The following STAG1 variants were observed in gnomAD, a reference collection of about 807,000 sequenced individuals.
The protein encoded by STAG1 is cohesin subunit SA-1.
STAG1 carries 26 observed loss-of-function variants against 170.9 expected under a neutral mutation model. The observed-to-expected ratio is 0.15, with a 90% CI of 0.11 to 0.21. The LOEUF (loss-of-function observed/expected upper bound fraction) is 0.21, where lower values mean the gene tolerates loss of function less well. Among genes scored for constraint, STAG1 ranks in the 10% least tolerant of loss-of-function variants. STAG1 has a pLI of 1.00. For synonymous variants in STAG1, 514 were observed against 497.7 expected (o/e 1.03, Z -0.44); for missense variants, 964 against 1,509.5 (o/e 0.64, Z 5.99).
intron 1 of STAG1, among the ~76,000 whole-genome samples, chr3:136,696,471 A>C (rs1942894593): frequency 6.6e-6 from 1 of 152,198 alleles, no homozygotes. Context: ...GGTGCATGCT[A>C]TATTTGACAA....
At chr3:136,669,600 C>T (rs1459493007) in intron 1 of STAG1, among the ~76,000 whole-genome samples, 2 of 152,188 alleles carry the variant, frequency 1.3e-5, no homozygotes, top group African/African-American at 4.8e-5. Context: ...CTCAAGTGAC[C>T]TGCCTGCCTC....
intron 1 of STAG1, among the ~76,000 whole-genome samples, chr3:136,695,015 G>A (rs1334924402): frequency 6.6e-6 from 1 of 152,158 alleles, no homozygotes; most frequent in Non-Finnish European, 1.5e-5. Flanking sequence ...GTATTTTGGA[G>A]CAAGGCAAAT....
chr3:136,396,453 C>T (rs9818536), intron 22 of STAG1, among the ~76,000 whole-genome samples: 23,962 of 144,854 alleles, frequency 0.17, 2,617 homozygotes, highest in Non-Finnish European at 0.24. Flanking sequence ...GATCTCCTGA[C>T]CTTGTGATCC....
chr3:136,441,581 T>C (rs2088632724), intron 15 of STAG1, among the ~76,000 whole-genome samples: 1 of 152,212 alleles, frequency 6.6e-6, no homozygotes, highest in South Asian at 2.1e-4. Flanking sequence ...CAATGAATTA[T>C]GTCAAAGCCA....
chr3:136,705,118 G>A (rs1247582983), intron 1 of STAG1, among the ~76,000 whole-genome samples: 5 of 152,120 alleles, frequency 3.3e-5, no homozygotes, highest in Non-Finnish European at 7.4e-5. Context: ...GCTCACGCCT[G>A]TAATCCCAGC....
chr3:136,339,453 G>T (rs930496797), intron 32 of STAG1, among the ~76,000 whole-genome samples: 1 of 152,116 alleles, frequency 6.6e-6, no homozygotes, highest in Non-Finnish European at 1.5e-5. Flanking sequence ...AACCTGGGAG[G>T]CAGAGGTTGC....
At chr3:136,433,248 C>G (rs2088361881) in intron 16 of STAG1, among the ~76,000 whole-genome samples, 1 of 151,900 alleles carries the variant, frequency 6.6e-6, no homozygotes, top group Non-Finnish European at 1.5e-5. Context: ...AACTTGCAAA[C>G]TAGGCATTTT....
chr3:136,665,419 A>G (rs1941725092), intron 1 of STAG1, among the ~76,000 whole-genome samples: 1 of 152,164 alleles, frequency 6.6e-6, no homozygotes, highest in African/African-American at 2.4e-5. Context: ...TTAGGGTTAC[A>G]GACTTTAAAA....
chr3:136,735,175 T>C (rs1363545101), intron 1 of STAG1, among the ~76,000 whole-genome samples: 1 of 152,038 alleles, frequency 6.6e-6, no homozygotes, highest in Non-Finnish European at 1.5e-5. Flanking sequence ...TGGAGTGCAG[T>C]GGTGTGACCT....
chr3:136,569,927 C>T (rs1937208450), intron 4 of STAG1, among the ~76,000 whole-genome samples: 1 of 152,000 alleles, frequency 6.6e-6, no homozygotes, highest in South Asian at 2.1e-4. Context: ...GAGAGTCTTG[C>T]CAACTTACAA....
chr3:136,374,967 C>T (rs1376348900), intron 23 of STAG1, among the ~76,000 whole-genome samples: 3 of 151,896 alleles, frequency 2.0e-5, no homozygotes, highest in African/African-American at 4.8e-5. Context: ...TATATAAATA[C>T]CAGTTGTATT....
chr3:136,731,835 A>G (rs982892433), intron 1 of STAG1, among the ~76,000 whole-genome samples: 2 of 152,214 alleles, frequency 1.3e-5, no homozygotes. Flanking sequence ...TATAAGTGCT[A>G]TCTAAATATC....
At chr3:136,396,687 C>T (rs1040205180) in intron 22 of STAG1, among the ~76,000 whole-genome samples, 1 of 150,844 alleles carries the variant, frequency 6.6e-6, no homozygotes, top group African/African-American at 2.4e-5. Context: ...GCCACCACAC[C>T]CAGCTAATTT....
rs557627608 is a variant in STAG1 at position 136,336,785 on chromosome 3, C to T, written c.*1469G>A. The T allele has an allele frequency of 2.6e-5, 4 of 152,308 alleles. No homozygotes were observed. Among genetic ancestry groups the T allele is most frequent in the African/African-American group, 9.6e-5 (4 of 41,568 alleles). The allele number at this position is 152,308 out of a possible 1,614,324, so 9.4% of individuals were successfully genotyped here. A position where few individuals can be genotyped will look rare whatever the true frequency, so the allele number is the denominator to read the frequency against. On this transcript the variant is annotated 3_prime_UTR_variant, in exon 34 of 34. Transcript: ENST00000383202. ...AATAAAATCATCCATCATCATCTTG[C>T]TTTCCCGCACAAAAGATGATCACTG...
In STAG1 at chr3:136,375,970, A is replaced by AAATAAATT. The variant is rs1937579058; in HGVS notation, c.2370+1689_2370+1690insAATTTATT. 6.9e-5 allele frequency among the ~76,000 whole-genome samples: 4 copies of AAATAAATT among 58,024 alleles called. No individual in the cohort carries two copies. In the South Asian group the frequency reaches 1.6e-3, roughly 23 times the overall value. The allele number at this position is 58,024 out of a possible 152,430, so 38.1% of individuals were successfully genotyped here. A position where few individuals can be genotyped will look rare whatever the true frequency, so the allele number is the denominator to read the frequency against. On this transcript the variant is annotated intron_variant, in intron 23 of 33. Transcript: ENST00000383202. Reference sequence around the variant, plus strand: ...GGCAACAGTGGGAGACTCCGTCTCAAAATAAATAAATAAATAAATAAATAA... The same window carrying AAATAAATT: ...GGCAACAGTGGGAGACTCCGTCTCAAAATAAATTAATAAATAAATAAATAAATAAATAA...
Position 136,638,130 on chromosome 3 carries a change from CT to C in STAG1, c.-83-7150del, listed in dbSNP as rs34896224. 9.4e-3 allele frequency among the ~76,000 whole-genome samples: 1,339 copies of C among 142,162 alleles called. 16 individuals are homozygous for C. The highest frequency in any genetic ancestry group is 0.028 in the African/African-American group (1,074 of 38,858). The allele number at this position is 142,162 out of a possible 152,430, so 93.3% of individuals were successfully genotyped here. A position where few individuals can be genotyped will look rare whatever the true frequency, so the allele number is the denominator to read the frequency against. On this transcript the variant is annotated intron_variant, in intron 1 of 33. Transcript: ENST00000383202. ...CACTTTGTTACCCAGGCTGCATTTT[CT>C]TTTTTTTTTTTTGAGACAGAGTTTT...
intron 15 of STAG1, among the ~76,000 whole-genome samples, chr3:136,440,639 G>A (rs973818943): frequency 1.3e-5 from 2 of 152,132 alleles, no homozygotes; most frequent in Non-Finnish European, 2.9e-5. Context: ...TGATAAGGCA[G>A]TAGACATTAG....
At chr3:136,462,953 C>G (rs2089314927) in intron 13 of STAG1, among the ~76,000 whole-genome samples, 1 of 152,090 alleles carries the variant, frequency 6.6e-6, no homozygotes. Flanking sequence ...GTTTATTTTT[C>G]TCTCTGAAAC....
intron 6 of STAG1, among the ~76,000 whole-genome samples, chr3:136,540,690 C>A (rs147671520): frequency 3.7e-4 from 56 of 151,560 alleles, no homozygotes; most frequent in African/African-American, 1.2e-3. Context: ...GGCGTGGTGG[C>A]ACACCCCTGT....
Sources: allele counts gnomAD v4.1 joint callset (sites outside exome capture counted in the v4.1 genomes callset), GRCh38; gene constraint gnomAD v4.1.1; transcripts MANE v1.5; gene names NCBI Gene and HGNC (gene_info 2026-07-23, HGNC 2026-07-21).